Variants in ITGBL1 observed in about 807,000 individuals in gnomAD.
ITGBL1 encodes integrin beta-like protein 1.
Under a neutral mutation model 68.5 loss-of-function variants are expected in ITGBL1, and 51 were observed. That is an observed-to-expected ratio of 0.74 (90% CI 0.59 to 0.94). The LOEUF is 0.94. Ranked by LOEUF, ITGBL1 falls within the 40% of genes least tolerant of loss-of-function variation. ITGBL1 has a pLI of 0.00. For synonymous variants in ITGBL1, 209 were observed against 227.3 expected (o/e 0.92, Z 0.72); for missense variants, 649 against 647.4 (o/e 1.00, Z -0.03).
chr13:101,512,049 T>G (rs1218451547), intron 2 of ITGBL1, among the ~76,000 whole-genome samples: 1 of 152,150 alleles, frequency 6.6e-6, no homozygotes. Context: ...ATAATACCCC[T>G]CTGACAAATA....
chr13:101,513,471 A>C (rs901763571), intron 2 of ITGBL1, among the ~76,000 whole-genome samples: 2 of 152,140 alleles, frequency 1.3e-5, no homozygotes, highest in Non-Finnish European at 2.9e-5. Flanking sequence ...GAAAATTATT[A>C]CATGGTGCCA....
chr13:101,513,975 C>T (rs1452719628), intron 2 of ITGBL1, among the ~76,000 whole-genome samples: 3 of 151,946 alleles, frequency 2.0e-5, no homozygotes, highest in Non-Finnish European at 4.4e-5. Context: ...TTTGTTTATT[C>T]AATGTGAATT....
At chr13:101,463,662 G>A (rs1254276038) in intron 2 of ITGBL1, among the ~76,000 whole-genome samples, 2 of 152,048 alleles carry the variant, frequency 1.3e-5, no homozygotes, top group African/African-American at 4.8e-5. Context: ...TGAGATGCCT[G>A]TACTTCTAGG....
chr13:101,579,373 T>C lies in ITGBL1; in HGVS notation c.673T>C (p.Trp225Arg). The part of the protein sequence containing the change: ...KCEFQCDITP[W>R]ESKRRCTSPD... Reference sequence around the variant, plus strand: ...TGAATTCCAGTGCGATATCACCCCCTGGGAAAGCAAGCGAAGATGCACGTC... The same window carrying C: ...TGAATTCCAGTGCGATATCACCCCCCGGGAAAGCAAGCGAAGATGCACGTC... Residue 225 changes from tryptophan (W) to arginine (R), a missense_variant, in exon 5 of 11, where the codon TGG becomes CGG. Coordinates refer to ENST00000376180, the MANE Select transcript of ITGBL1 (RefSeq NM_004791.3). 3.7e-6 allele frequency: 6 copies of C among 1,613,866 alleles called. No individual in the cohort carries two copies. Among genetic ancestry groups the C allele is most frequent in the Non-Finnish European group, 5.1e-6 (6 of 1,179,890 alleles).
chr13:101,462,263 A>C (rs1345505091), intron 2 of ITGBL1, among the ~76,000 whole-genome samples: 4 of 152,190 alleles, frequency 2.6e-5, no homozygotes, highest in Admixed American at 6.5e-5. Flanking sequence ...ACTAGACTGA[A>C]CCCAGATAAT....
chr13:101,689,064 G>T (rs919637828), intron 7 of ITGBL1, among the ~76,000 whole-genome samples: 1 of 151,162 alleles, frequency 6.6e-6, no homozygotes, highest in Non-Finnish European at 1.5e-5. Context: ...AATCATCTGG[G>T]TGTGGTGGCG....
At chr13:101,661,200 T>G (rs1290440318) in intron 7 of ITGBL1, among the ~76,000 whole-genome samples, 1 of 152,154 alleles carries the variant, frequency 6.6e-6, no homozygotes, top group Non-Finnish European at 1.5e-5. Context: ...AAGAATATTG[T>G]TTTTCCTGAC....
At chr13:101,477,082 A>G (rs1368690408) in intron 2 of ITGBL1, among the ~76,000 whole-genome samples, 3 of 152,158 alleles carry the variant, frequency 2.0e-5, no homozygotes, top group Non-Finnish European at 2.9e-5. Context: ...AGGGTAGACT[A>G]TATGTTAGGC....
At chr13:101,619,615 T>C (rs947641309) in intron 7 of ITGBL1, among the ~76,000 whole-genome samples, 1 of 152,166 alleles carries the variant, frequency 6.6e-6, no homozygotes, top group African/African-American at 2.4e-5. Context: ...ATGTGTATTG[T>C]TTTTAGGCAT....
intron 8 of ITGBL1, among the ~76,000 whole-genome samples, chr13:101,704,745 G>A (rs1273408525): frequency 6.6e-6 from 1 of 152,124 alleles, no homozygotes; most frequent in African/African-American, 2.4e-5. Context: ...GGAATCAGAG[G>A]AACTAGAGTC....
intron 2 of ITGBL1, among the ~76,000 whole-genome samples, chr13:101,504,901 A>G (rs2049002980): frequency 6.6e-6 from 1 of 152,216 alleles, no homozygotes; most frequent in Non-Finnish European, 1.5e-5. Context: ...AATGTCAAAG[A>G]AAAAACCAGC....
intron 2 of ITGBL1, among the ~76,000 whole-genome samples, chr13:101,566,149 G>T (rs935018672): frequency 1.3e-5 from 2 of 151,576 alleles, no homozygotes; most frequent in African/African-American, 2.4e-5. Context: ...CTGTTTATTG[G>T]TGTGGAACCA....
intron 2 of ITGBL1, among the ~76,000 whole-genome samples, chr13:101,533,760 G>C (rs1342755818): frequency 1.6e-5 from 1 of 61,342 alleles, no homozygotes; most frequent in South Asian, 6.1e-4. Flanking sequence ...AAAAGAGTTT[G>C]GCTAAGCATC....
At chr13:101,670,444 T>C (rs902785316) in intron 7 of ITGBL1, among the ~76,000 whole-genome samples, 2 of 152,236 alleles carry the variant, frequency 1.3e-5, no homozygotes, top group Non-Finnish European at 2.9e-5. Context: ...TAATTCCCTA[T>C]GCTTTATGTT....
intron 7 of ITGBL1, among the ~76,000 whole-genome samples, chr13:101,602,180 A>G (rs917780321): frequency 4.6e-5 from 7 of 152,110 alleles, no homozygotes; most frequent in African/African-American, 1.7e-4. Context: ...CTAATTGTCC[A>G]CTGACATTTA....
intron 7 of ITGBL1, among the ~76,000 whole-genome samples, chr13:101,628,966 G>A (rs531296645): frequency 2.0e-5 from 3 of 152,064 alleles, no homozygotes; most frequent in Admixed American, 6.6e-5. Context: ...CAGTTTTTAT[G>A]TCATATATAT....
chr13:101,720,160 G>A, downstream of ITGBL1: 1 of 152,010 alleles, frequency 6.6e-6, no homozygotes, highest in Non-Finnish European at 1.5e-5. Context: ...ATGCAAATTA[G>A]CAATACATAC....
Position 101,452,758 on chromosome 13 carries a change from C to G in ITGBL1, c.-76C>G. 1 of 1,186,312 alleles carries G rather than the reference C, an allele frequency of 8.4e-7. No individual in the cohort carries two copies. The highest frequency in any genetic ancestry group is 1.3e-6 in the Non-Finnish European group (1 of 793,608). 73.5% of individuals were successfully genotyped at this position (1,186,312 alleles called of 1,614,324 possible). On this transcript the variant is annotated 5_prime_UTR_variant, in exon 1 of 11. Coordinates refer to ENST00000376180, the MANE Select transcript of ITGBL1 (RefSeq NM_004791.3). Reference sequence around the variant, plus strand: ...GCCCAGCCATCTGCTGGTGGCACCTCTCCCTCCTGCCGCCTCCCTCGGTGA... The same window carrying G: ...GCCCAGCCATCTGCTGGTGGCACCTGTCCCTCCTGCCGCCTCCCTCGGTGA...
intron 2 of ITGBL1, among the ~76,000 whole-genome samples, chr13:101,463,410 G>A (rs1163578261): frequency 6.6e-6 from 1 of 152,090 alleles, no homozygotes; most frequent in Non-Finnish European, 1.5e-5. Context: ...AGCCGTCTGA[G>A]TCTTGTATAT....
Sources: allele counts gnomAD v4.1 joint callset (sites outside exome capture counted in the v4.1 genomes callset), GRCh38; gene constraint gnomAD v4.1.1; transcripts MANE v1.5; gene names NCBI Gene and HGNC (gene_info 2026-07-23, HGNC 2026-07-21).